The following EYA2 variants were observed in gnomAD, a reference collection of about 807,000 sequenced individuals.
EYA2 encodes protein phosphatase EYA2.
Under a neutral mutation model 69.2 loss-of-function variants are expected in EYA2, and 31 were observed. The observed-to-expected ratio is 0.45, with a 90% CI of 0.34 to 0.60. The LOEUF is 0.60. Among genes scored for constraint, EYA2 ranks in the 20% least tolerant of loss-of-function variants. The pLI, the probability that EYA2 is intolerant of heterozygous loss-of-function variation, is 0.02. For synonymous variants in EYA2, 257 were observed against 279.4 expected (o/e 0.92, Z 0.80); for missense variants, 622 against 701.2 (o/e 0.89, Z 1.28).
At chr20:46,918,331 A>G (rs913215538) in intron 1 of EYA2, among the ~76,000 whole-genome samples, 1 of 151,426 alleles carries the variant, frequency 6.6e-6, no homozygotes, top group Non-Finnish European at 1.5e-5. Flanking sequence ...AAAAAACAAA[A>G]CAAATCTCAC....
At chr20:46,986,997 T>G (rs2146322356) in intron 1 of EYA2, among the ~76,000 whole-genome samples, 1 of 152,274 alleles carries the variant, frequency 6.6e-6, no homozygotes, top group African/African-American at 2.4e-5. Context: ...TGTGCAAGCC[T>G]GAGATAAGGG....
At chr20:47,033,820 A>C (rs1245020127) in intron 5 of EYA2, among the ~76,000 whole-genome samples, 1 of 152,244 alleles carries the variant, frequency 6.6e-6, no homozygotes, top group Non-Finnish European at 1.5e-5. Flanking sequence ...GACATATAGC[A>C]TGAAAGATAG....
chr20:46,935,869 T>C (rs1488814946), intron 1 of EYA2, among the ~76,000 whole-genome samples: 1 of 152,106 alleles, frequency 6.6e-6, no homozygotes, highest in East Asian at 1.9e-4. Context: ...TAATAATAAG[T>C]ATTATTATTC....
intron 7 of EYA2, among the ~76,000 whole-genome samples, chr20:47,081,613 T>C (rs6122551): frequency 0.27 from 41,411 of 151,098 alleles, 6,998 homozygotes; most frequent in Non-Finnish European, 0.36. Flanking sequence ...ACCCCGTCTC[T>C]ACTAAAAATA....
chr20:46,976,809 G>C (rs1007809216), intron 1 of EYA2, among the ~76,000 whole-genome samples: 1 of 152,174 alleles, frequency 6.6e-6, no homozygotes, highest in East Asian at 1.9e-4. Context: ...ACATGCAAAC[G>C]GGTTTTTCAG....
chr20:47,186,348 C>CTTTTTTT (rs765874138), intron 15 of EYA2, among the ~76,000 whole-genome samples: 132 of 72,284 alleles, frequency 1.8e-3, no homozygotes, highest in Non-Finnish European at 3.1e-3. Context: ...AGCACTTATT[C>CTTTTTTT]TTTTTTTTTT....
chr20:46,928,879 C>T (rs1259823103), intron 1 of EYA2, among the ~76,000 whole-genome samples: 4 of 152,102 alleles, frequency 2.6e-5, no homozygotes, highest in Non-Finnish European at 4.4e-5. Context: ...GGTGCTGTGC[C>T]GATGTTAGGG....
At chr20:47,151,030 A>G (rs927073185) in intron 10 of EYA2, among the ~76,000 whole-genome samples, 1 of 152,020 alleles carries the variant, frequency 6.6e-6, no homozygotes, top group Non-Finnish European at 1.5e-5. Context: ...TTTTCATCAC[A>G]GTAGCCAGAG....
chr20:47,186,289 G>A (rs2034638669), intron 15 of EYA2, among the ~76,000 whole-genome samples: 3 of 151,444 alleles, frequency 2.0e-5, no homozygotes, highest in African/African-American at 7.3e-5. Context: ...GCTCACTGAG[G>A]GATTCTCAAT....
chr20:47,015,414 G>A (rs901487665), intron 4 of EYA2, among the ~76,000 whole-genome samples: 2 of 152,146 alleles, frequency 1.3e-5, no homozygotes, highest in Non-Finnish European at 2.9e-5. Flanking sequence ...TGTGGCCTTG[G>A]GATTAGCAGG....
chr20:47,078,526 C>A (rs1001707767), intron 7 of EYA2, among the ~76,000 whole-genome samples: 2 of 152,222 alleles, frequency 1.3e-5, no homozygotes, highest in Admixed American at 1.3e-4. Context: ...GGTGCTCTCA[C>A]CACTCACATC....
At position 47,183,281 on chromosome 20, in the gene EYA2, G is replaced by A; in HGVS notation, c.1436-10G>A. ...AGAGCGTTTTTTCTTTCCTTCCTGT[G>A]TGCGTGCAGGGAAGGAGAGCTGCTT... On this transcript the variant is annotated splice_polypyrimidine_tract_variant and intron_variant, in intron 14 of 15. Transcript: ENST00000327619. The A allele has an allele frequency of 6.2e-7, 1 of 1,613,364 alleles. No homozygotes were observed. The highest frequency in any genetic ancestry group is 8.5e-7 in the Non-Finnish European group (1 of 1,179,634).
chr20:46,917,312 A>G (rs547624202), intron 1 of EYA2, among the ~76,000 whole-genome samples: 2 of 152,254 alleles, frequency 1.3e-5, no homozygotes, highest in South Asian at 2.1e-4. Context: ...GCATGCACAG[A>G]CTCCCTGCCA....
intron 1 of EYA2, among the ~76,000 whole-genome samples, chr20:46,928,861 C>G (rs1281076542): frequency 1.3e-5 from 2 of 152,110 alleles, no homozygotes; most frequent in African/African-American, 4.8e-5. Context: ...GTTGTGTGGC[C>G]CGGAAGCGGT....
intron 5 of EYA2, among the ~76,000 whole-genome samples, chr20:47,031,012 CA>C (rs5841664): frequency 0.66 from 100,321 of 152,066 alleles, 35,633 homozygotes; most frequent in Non-Finnish European, 0.8. Flanking sequence ...AATACAGTCA[CA>C]ATTGGGGGTT....
chr20:47,130,986 G>A (rs886277701), intron 9 of EYA2, among the ~76,000 whole-genome samples: 2 of 152,116 alleles, frequency 1.3e-5, no homozygotes, highest in African/African-American at 2.4e-5. Flanking sequence ...CTACTCAGGG[G>A]GCTGAGGCAG....
At chr20:46,959,731 C>G (rs1979354942) in intron 1 of EYA2, among the ~76,000 whole-genome samples, 1 of 152,252 alleles carries the variant, frequency 6.6e-6, no homozygotes, top group African/African-American at 2.4e-5. Flanking sequence ...AAGCTTCTCT[C>G]TTACCCTCTC....
At chr20:46,907,595 T>C (rs887420250) in intron 1 of EYA2, among the ~76,000 whole-genome samples, 2 of 152,148 alleles carry the variant, frequency 1.3e-5, no homozygotes, top group Non-Finnish European at 2.9e-5. Flanking sequence ...CCCCAGCGCT[T>C]TGGGAAGCCA....
chr20:47,150,871 T>C (rs544899304), intron 10 of EYA2, among the ~76,000 whole-genome samples: 92 of 152,118 alleles, frequency 6.0e-4, no homozygotes, highest in Non-Finnish European at 9.4e-4. Flanking sequence ...ACATAGTCAC[T>C]TGGCCACACC....
Sources: gnomAD v4.1 joint callset for allele counts (sites outside exome capture counted in the v4.1 genomes callset) on GRCh38, gnomAD v4.1.1 for gene constraint, MANE v1.5 for transcripts, NCBI Gene and HGNC (gene_info 2026-07-23, HGNC 2026-07-21) for gene names.